The following PLPP2 variants were observed in gnomAD, a reference collection of about 807,000 sequenced individuals.
PLPP2 encodes PAP2-gamma.
A neutral mutation model predicts 35.2 loss-of-function variants in PLPP2; 29 were observed. The observed-to-expected ratio is 0.82, with a 90% confidence interval of 0.61 to 1.12. PLPP2 has a LOEUF of 1.12. Ranked by LOEUF, PLPP2 falls within the 50% of genes most tolerant of loss-of-function variation. The pLI is 0.00. For missense variants in PLPP2, 353 were observed against 375.2 expected (o/e 0.94, Z 0.49); for synonymous variants, 162 against 167.0 (o/e 0.97, Z 0.23).
chr19:291,184 A>T (rs116891859), intron 1 of PLPP2, 101 bp downstream of exon 1: 59,216 of 1,565,146 alleles, frequency 0.038, 1,363 homozygotes, highest in East Asian at 0.089. Context: ...CGGAGGGACG[A>T]GGGCGCGCAG....
chr19:282,714 G>A, intron 4 of PLPP2, 38 bp downstream of exon 4: 1 of 1,584,768 alleles, frequency 6.3e-7, no homozygotes, highest in Middle Eastern at 1.7e-4. Context: ...TTTAGCCATG[G>A]TTCCCCCGAA....
At chr19:289,687 G>A (rs1970345971) in intron 1 of PLPP2, among the ~76,000 whole-genome samples, 1 of 152,070 alleles carries the variant, frequency 6.6e-6, no homozygotes, top group African/African-American at 2.4e-5. Flanking sequence ...TGGCGACAGG[G>A]CGAGACTCTG....
At position 287,488 on chromosome 19, in the gene PLPP2, A is replaced by G. The variant is rs1487728083; in HGVS notation, c.468T>C (p.Asp156=). 6.2e-7 allele frequency: 1 copy of G among 1,610,860 alleles called. No individual in the cohort carries two copies. Among genetic ancestry groups the G allele is most frequent in the Non-Finnish European group, 8.5e-7 (1 of 1,177,696 alleles). Reference sequence around the variant, plus strand: ...TCCACACCCACCTGGCCTCGGTGACATCAGCAGGGTTTCCCCTGCACACCT... The same window carrying G: ...TCCACACCCACCTGGCCTCGGTGACGTCAGCAGGGTTTCCCCTGCACACCT... ...LEKVCRGNPA[D]VTEARLSFYS... The change falls in exon 3 of 6, where the codon GAT becomes GAC. Residue 156 remains aspartate (D), a synonymous_variant. Transcript: ENST00000434325. This position sits in a 1 kb window ranked among gnomAD's most constrained non-coding sequence, Gnocchi z 4.3.
At chr19:284,302 C>A (rs1448983151) in intron 3 of PLPP2, 2 of 150,994 alleles carry the variant, frequency 1.3e-5, no homozygotes, top group South Asian at 4.2e-4. Flanking sequence ...TGCAGTGAGC[C>A]GAGATCGCCA....
chr19:281,589 G>A (rs1244589897), intron 5 of PLPP2, 52 bp from the exon 6 acceptor site: 2 of 1,403,430 alleles, frequency 1.4e-6, no homozygotes, highest in Non-Finnish European at 1.9e-6. Flanking sequence ...CAGGTACCAG[G>A]GACATGGGCA....
intron 3 of PLPP2, 181 bp from the exon 4 acceptor site, chr19:282,990 TCTGA>T (rs1214841732): frequency 3.2e-6 from 2 of 617,798 alleles, no homozygotes; most frequent in African/African-American, 3.7e-5. Context: ...AATAAGAGTC[TCTGA>T]CTGGGGCTGT....
chr19:288,656 A>G (rs1264281663), intron 1 of PLPP2: 1 of 152,994 alleles, frequency 6.5e-6, no homozygotes, highest in Non-Finnish European at 1.5e-5. Flanking sequence ...CTCCACTCTC[A>G]TCTCCCCTGC....
In PLPP2 at chr19:281,363, C is replaced by G. The variant is rs759422577; in HGVS notation, c.*25G>C. 9 of 1,392,116 alleles carry G rather than the reference C, an allele frequency of 6.5e-6. No homozygotes were observed. Among genetic ancestry groups the G allele is most frequent in the Non-Finnish European group, 8.4e-6 (9 of 1,065,294 alleles). 86.2% of individuals were successfully genotyped at this position (1,392,116 alleles called of 1,614,324 possible). On this transcript the variant is annotated 3_prime_UTR_variant, in exon 6 of 6. Coordinates refer to ENST00000434325, the MANE Select transcript of PLPP2 (RefSeq NM_003712.4). ...TGGGCCTCAGCTGGACTCACAGCAGCTCCCTGCCTGGGCGGGGTCCGGCCT... is the reference window on the plus strand; with the variant it reads ...TGGGCCTCAGCTGGACTCACAGCAGGTCCCTGCCTGGGCGGGGTCCGGCCT...
At chr19:285,608 AAAAAG>A (rs1475022445) in intron 3 of PLPP2, 5 of 151,394 alleles carry the variant, frequency 3.3e-5, no homozygotes, top group East Asian at 3.9e-4. Context: ...CAAAAAAAAA[AAAAAG>A]AAAAGGAGAA....
intron 3 of PLPP2, chr19:286,947 G>A (rs542112018): frequency 6.5e-5 from 10 of 154,522 alleles, no homozygotes; most frequent in African/African-American, 1.2e-4. Flanking sequence ...GTGACAGAGT[G>A]AGCCTCTGTC....
chr19:282,992 T>G, intron 3 of PLPP2, 183 bp from the exon 4 acceptor site: 1 of 609,720 alleles, frequency 1.6e-6, no homozygotes, highest in Non-Finnish European at 2.9e-6. Context: ...TAAGAGTCTC[T>G]GACTGGGGCT....
chr19:290,979 G>GGCGC (rs753002837), intron 1 of PLPP2: 2 of 1,249,372 alleles, frequency 1.6e-6, no homozygotes, highest in Non-Finnish European at 2.0e-6. Flanking sequence ...GCGGGATGGA[G>GGCGC]GCGCGCGCGC....
chr19:283,706 GCCGCCTTCAGGCT>G (rs1340178557), intron 3 of PLPP2: 1 of 152,238 alleles, frequency 6.6e-6, no homozygotes, highest in Non-Finnish European at 1.5e-5. Flanking sequence ...CTCACGTCTG[GCCGCCTTCAGGCT>G]CCGCACACAC....
chr19:288,069 A>G lies in PLPP2; in HGVS notation c.155T>C (p.Ile52Thr). 6.2e-7 allele frequency: 1 copy of G among 1,613,738 alleles called. No homozygotes were observed. The highest frequency in any genetic ancestry group is 8.5e-7 in the Non-Finnish European group (1 of 1,179,944). Residue 52 changes from isoleucine (I) to threonine (T), a missense_variant, in exon 2 of 6, where the codon ATC becomes ACC. Transcript: ENST00000434325. ...SIRYPYRPDTITHGLMAGVTI... is the reference protein window; with the variant it reads ...SIRYPYRPDTTTHGLMAGVTI... ...GACCCCAGCCATGAGCCCGTGGGTG[A>G]TGGTATCTGGACGGTAGGGGTACCG...
chr19:282,882 G>A, intron 3 of PLPP2, 73 bp from the exon 4 acceptor site: 1 of 1,424,362 alleles, frequency 7.0e-7, no homozygotes, highest in Non-Finnish European at 9.9e-7. Context: ...CCCGCCCACA[G>A]AAGGGAGGGC....
Position 288,049 on chromosome 19 carries a change from C to T in PLPP2, c.175G>A (p.Gly59Arg), listed in dbSNP as rs1339188321. 6.2e-7 allele frequency: 1 copy of T among 1,613,882 alleles called. No homozygotes were observed. Among genetic ancestry groups the T allele is most frequent in the Non-Finnish European group, 8.5e-7 (1 of 1,179,980 alleles). Residue 59 changes from glycine (G) to arginine (R), a missense_variant, in exon 2 of 6, where the codon GGG becomes AGG. Transcript: ENST00000434325. The stretch of plus-strand genomic sequence containing the variant: ...ATGACGGTGGCCGTGATGGTGACCC[C>T]AGCCATGAGCCCGTGGGTGATGGTA... ...PDTITHGLMA[G>R]VTITATVILV...
At position 287,081 on chromosome 19, in the gene PLPP2, A is replaced by C. The variant is rs1262670666; in HGVS notation, c.482+393T>G. The C allele has an allele frequency of 5.6e-6, 1 of 179,566 alleles. No individual in the cohort carries two copies. Among genetic ancestry groups the C allele is most frequent in the African/African-American group, 2.4e-5 (1 of 41,968 alleles). The allele number at this position is 179,566 out of a possible 1,614,324, so 11.1% of individuals were successfully genotyped here. ...TGAAAGTCCAAGAATGGAAAAAAAA[A>C]ATATTCCATGCAAACAATAACAAAA... On this transcript the variant is annotated intron_variant, in intron 3 of 5. Coordinates refer to ENST00000434325, the MANE Select transcript of PLPP2 (RefSeq NM_003712.4). The surrounding 1 kb of genome is among the most constrained non-coding windows in gnomAD (Gnocchi z 4.3).
Position 290,860 on chromosome 19 carries a change from G to A in PLPP2, c.52+425C>T, listed in dbSNP as rs963587070. 1.5e-5 allele frequency: 16 copies of A among 1,049,986 alleles called. 1 individual carries two copies. The highest frequency in any genetic ancestry group is 1.2e-6 in the Non-Finnish European group (1 of 826,542). The allele number at this position is 1,049,986 out of a possible 1,614,324, so 65.0% of individuals were successfully genotyped here. A position where few individuals can be genotyped will look rare whatever the true frequency, so the allele number is the denominator to read the frequency against. On this transcript the variant is annotated intron_variant, in intron 1 of 5. Transcript: ENST00000434325. ...GACCGAGGGTCAGCCCTCTCCGCGC[G>A]CAGCGGGAGCGCCCACCCCAGGGGC...
At position 282,114 on chromosome 19, in the gene PLPP2, A is replaced by G. The variant is rs768527398; in HGVS notation, c.717+20T>C. ...GGTCTCTGGACAACACAGGGGATAG[A>G]GTTAGGGTTAGAAGCTCACAGTGAG... On this transcript the variant is annotated intron_variant, in intron 5 of 5. Transcript: ENST00000434325. 1.2e-6 allele frequency: 2 copies of G among 1,612,312 alleles called. No individual in the cohort carries two copies. The highest frequency in any genetic ancestry group is 1.7e-6 in the Non-Finnish European group (2 of 1,179,492).
Sources: gnomAD v4.1 joint callset for allele counts (sites outside exome capture counted in the v4.1 genomes callset) on GRCh38, gnomAD v4.1.1 for gene constraint, Gnocchi (gnomAD v3.1) non-coding constraint, MANE v1.5 for transcripts, NCBI Gene and HGNC (gene_info 2026-07-23, HGNC 2026-07-21) for gene names.